The following SLC35F5 variants were observed in gnomAD, a reference collection of about 807,000 sequenced individuals.
SLC35F5 encodes HCV NS5A-transactivated protein 3.
Under a neutral mutation model 68.6 loss-of-function variants are expected in SLC35F5, and 54 were observed. The ratio of observed to expected loss-of-function variants is 0.79; its 90% CI spans 0.63 to 0.99. The LOEUF is 0.99. Ranked by LOEUF, SLC35F5 falls within the 50% of genes least tolerant of loss-of-function variation. The probability of loss-of-function intolerance (pLI) is 0.00; values close to 1 mark genes in which losing one functional copy is unlikely to be tolerated. For missense variants in SLC35F5, 567 were observed against 626.9 expected (o/e 0.90, Z 1.02); for synonymous variants, 211 against 205.2 (o/e 1.03, Z -0.24).
At chr2:113,734,119 C>T (rs1166812982) in intron 9 of SLC35F5, among the ~76,000 whole-genome samples, 4 of 152,144 alleles carry the variant, frequency 2.6e-5, no homozygotes, top group African/African-American at 9.7e-5. Flanking sequence ...TGCAGTAGTG[C>T]AAAACTGCCA....
At chr2:113,735,898 C>T in intron 7 of SLC35F5, 40 bp from the exon 8 acceptor site, 1 of 1,231,816 alleles carries the variant, frequency 8.1e-7, no homozygotes, top group Non-Finnish European at 1.2e-6. Flanking sequence ...TAATGAAAGA[C>T]ATGTTTACAT....
chr2:113,728,082 C>T (rs879736176), intron 11 of SLC35F5, among the ~76,000 whole-genome samples: 1 of 152,130 alleles, frequency 6.6e-6, no homozygotes, highest in Non-Finnish European at 1.5e-5. Flanking sequence ...GACTCGAACT[C>T]CTGGACTCAA....
At chr2:113,748,592 G>A (rs779512368) in intron 4 of SLC35F5, among the ~76,000 whole-genome samples, 18 of 152,010 alleles carry the variant, frequency 1.2e-4, no homozygotes, top group Non-Finnish European at 2.4e-4. Context: ...TTTCTCTGTA[G>A]CGTCTAAATT....
chr2:113,731,662 A>G lies in SLC35F5; in HGVS notation c.921-14T>C. On this transcript the variant is annotated splice_polypyrimidine_tract_variant and intron_variant, in intron 9 of 15. Coordinates refer to ENST00000245680, the MANE Select transcript of SLC35F5 (RefSeq NM_025181.5). Reference sequence around the variant, plus strand: ...ACGCCTCCAATGCTATGAGAATAACAGTCATTAATGATGAGCTAAAGAATT... The same window carrying G: ...ACGCCTCCAATGCTATGAGAATAACGGTCATTAATGATGAGCTAAAGAATT... The G allele has an allele frequency of 6.2e-7, 1 of 1,606,456 alleles. No homozygotes were observed. The highest frequency in any genetic ancestry group is 1.7e-5 in the Admixed American group (1 of 59,894).
At chr2:113,753,325 C>T (rs1180255075) in intron 3 of SLC35F5, among the ~76,000 whole-genome samples, 1 of 151,704 alleles carries the variant, frequency 6.6e-6, no homozygotes, top group Non-Finnish European at 1.5e-5. Context: ...ATTACAGGCA[C>T]CCACCACCAC....
chr2:113,728,300 T>G (rs1432760654), intron 11 of SLC35F5, among the ~76,000 whole-genome samples: 1 of 152,162 alleles, frequency 6.6e-6, no homozygotes, highest in Non-Finnish European at 1.5e-5. Context: ...TTTAAAATAG[T>G]CTTTTTTTAA....
intron 3 of SLC35F5, among the ~76,000 whole-genome samples, chr2:113,751,265 G>A (rs749464238): frequency 1.3e-5 from 2 of 152,170 alleles, no homozygotes; most frequent in African/African-American, 4.8e-5. Context: ...AACAAGAGAC[G>A]GGTTCAGGAT....
rs908374197 is a variant in SLC35F5, at chr2:113,755,537, C to T, written c.48G>A (p.Leu16=). 11 of 1,613,382 alleles carry T rather than the reference C, an allele frequency of 6.8e-6. No individual in the cohort carries two copies. The African/African-American group carries it at 9.3e-5, about 14-fold the overall frequency. ...TCAGTCTAAAAGGAGGTGAAGAACT[C>T]AGCACCCCTAAAAACAACCATGAAA... ...RHRGAGRPGV[L]SSSPPFRLRS... is the part of the protein sequence containing the mutation. The change falls in exon 2 of 16, where the codon CTG becomes CTA. Residue 16 remains leucine (L), a synonymous_variant. Transcript: ENST00000245680.
chr2:113,755,109 TAA>T, intron 3 of SLC35F5, 54 bp downstream of exon 3: 1 of 1,566,166 alleles, frequency 6.4e-7, no homozygotes, highest in Non-Finnish European at 8.7e-7. Flanking sequence ...TACTACAGGT[TAA>T]GAGTTAACAT....
rs933194921 is a variant in SLC35F5 at position 113,711,463 on chromosome 2, A to G, written c.*3755T>C. On this transcript the variant is annotated 3_prime_UTR_variant, in exon 16 of 16. Coordinates refer to ENST00000245680, the MANE Select transcript of SLC35F5 (RefSeq NM_025181.5). ...TTTCCTGTGCACATACAATGTACCT[A>G]TGAAATACTGTATTATTAGTTATTG... 6.6e-6 allele frequency among the ~76,000 whole-genome samples: 1 copy of G among 152,220 alleles called. No individual in the cohort carries two copies. Among genetic ancestry groups the G allele is most frequent in the African/African-American group, 2.4e-5 (1 of 41,466 alleles).
intron 10 of SLC35F5, 140 bp downstream of exon 10, chr2:113,731,444 T>TA (rs1687881486): frequency 5.0e-6 from 3 of 600,562 alleles, no homozygotes; most frequent in Non-Finnish European, 9.0e-6. Context: ...CGCATTTTTT[T>TA]ATGTTATTTC....
At chr2:113,720,326 T>TA (rs35908818) in intron 13 of SLC35F5, among the ~76,000 whole-genome samples, 168 of 139,058 alleles carry the variant, frequency 1.2e-3, no homozygotes, top group Admixed American at 3.0e-3. Context: ...CTTTGAGAAT[T>TA]AAAAAAAAAA....
At position 113,712,950 on chromosome 2, in the gene SLC35F5, T is replaced by C. The variant is rs1687043687; in HGVS notation, c.*2268A>G. 1.3e-5 allele frequency: 2 copies of C among 152,172 alleles called. No individual in the cohort carries two copies. The highest frequency in any genetic ancestry group is 4.1e-4 in the South Asian group (2 of 4,828). 9.4% of individuals were successfully genotyped at this position (152,172 alleles called of 1,614,324 possible). On this transcript the variant is annotated 3_prime_UTR_variant, in exon 16 of 16. Coordinates refer to ENST00000245680, the MANE Select transcript of SLC35F5 (RefSeq NM_025181.5). ...TGTGCTCATTGTGATCCAAGGGCCTTGTTACCTAGTTTCTAGGTGATCTAC... is the reference window on the plus strand; with the variant it reads ...TGTGCTCATTGTGATCCAAGGGCCTCGTTACCTAGTTTCTAGGTGATCTAC...
At chr2:113,721,012 C>A (rs2104980736) in intron 13 of SLC35F5, among the ~76,000 whole-genome samples, 1 of 151,970 alleles carries the variant, frequency 6.6e-6, no homozygotes, top group South Asian at 2.1e-4. Context: ...CTAAATATAT[C>A]TGAATATCAA....
At chr2:113,755,401 T>C (rs1035110260) in intron 2 of SLC35F5, 53 bp downstream of exon 2, 40 of 1,604,484 alleles carry the variant, frequency 2.5e-5, no homozygotes, top group Non-Finnish European at 3.2e-5. Flanking sequence ...ATTTGACTTT[T>C]GTTAGCTAAT....
At chr2:113,726,946 A>G (rs1206928951) in intron 11 of SLC35F5, among the ~76,000 whole-genome samples, 1 of 151,948 alleles carries the variant, frequency 6.6e-6, no homozygotes, top group Non-Finnish European at 1.5e-5. Flanking sequence ...TCCCCATCTC[A>G]TATCCTGTTT....
chr2:113,746,561 C>T (rs1268563886), intron 4 of SLC35F5, among the ~76,000 whole-genome samples: 1 of 152,016 alleles, frequency 6.6e-6, no homozygotes, highest in Middle Eastern at 3.2e-3. Context: ...GATTTTTAAT[C>T]CTGACAGTCA....
Position 113,717,927 on chromosome 2 carries a change from C to T in SLC35F5, c.1497-77G>A, listed in dbSNP as rs923400050. 1.6e-5 allele frequency: 16 copies of T among 1,015,378 alleles called. No individual in the cohort carries two copies. The Admixed American group carries it at 3.4e-4, about 22-fold the overall frequency. 62.9% of individuals were successfully genotyped at this position (1,015,378 alleles called of 1,614,324 possible). ...ACCTCAAACCTTATTTATTCCATTGCCTGAAGCTATGTGGACAGGATGCAA... is the reference window on the plus strand; with the variant it reads ...ACCTCAAACCTTATTTATTCCATTGTCTGAAGCTATGTGGACAGGATGCAA... On this transcript the variant is annotated intron_variant, in intron 14 of 15. Coordinates refer to ENST00000245680, the MANE Select transcript of SLC35F5 (RefSeq NM_025181.5).
chr2:113,735,257 C>G (rs138481860), intron 8 of SLC35F5, among the ~76,000 whole-genome samples: 1 of 152,288 alleles, frequency 6.6e-6, no homozygotes, highest in African/African-American at 2.4e-5. Flanking sequence ...ATAAATAGCA[C>G]AGGCTAAGGC....
Sources: gnomAD v4.1 joint callset for allele counts (sites outside exome capture counted in the v4.1 genomes callset) on GRCh38, gnomAD v4.1.1 for gene constraint, MANE v1.5 for transcripts, NCBI Gene and HGNC (gene_info 2026-07-23, HGNC 2026-07-21) for gene names.